SYN3: variants seen among roughly 807,000 people sequenced by gnomAD.
SYN3 encodes the protein synapsin III, also known as synapsin-3.
In SYN3, 35 loss-of-function variants were observed where a neutral mutation model predicts 65.8. The ratio of observed to expected loss-of-function variants is 0.53; its 90% CI spans 0.41 to 0.70. The LOEUF (loss-of-function observed/expected upper bound fraction) is 0.70. SYN3 is among the 30% of genes least tolerant of loss of function. The probability of loss-of-function intolerance (pLI) is 0.00; values close to 1 mark genes in which losing one functional copy is unlikely to be tolerated. For missense variants in SYN3, 680 were observed against 749.0 expected (o/e 0.91, Z 1.08); for synonymous variants, 270 against 292.9 (o/e 0.92, Z 0.80).
chr22:32,964,268 C>T (rs1197200952), intron 3 of SYN3, among the ~76,000 whole-genome samples: 4 of 112,134 alleles, frequency 3.6e-5, no homozygotes, highest in Admixed American at 1.3e-4. Context: ...CATCACACAC[C>T]GGGGCCTGTT....
chr22:32,539,505 T>C (rs1392839029), intron 8 of SYN3, among the ~76,000 whole-genome samples: 1 of 63,438 alleles, frequency 1.6e-5, no homozygotes, highest in East Asian at 2.0e-3. Flanking sequence ...GATATATGTG[T>C]ATACACGGGT....
intron 6 of SYN3, among the ~76,000 whole-genome samples, chr22:32,753,067 G>A (rs1315822370): frequency 2.6e-5 from 4 of 152,142 alleles, no homozygotes; most frequent in Non-Finnish European, 5.9e-5. Flanking sequence ...CCTCAGCAGA[G>A]GCCAAGAAGA....
chr22:32,513,808 T>C lies in SYN3; in HGVS notation c.1627A>G (p.Thr543Ala), dbSNP rs752568204. 15 of 1,613,946 alleles carry C rather than the reference T, an allele frequency of 9.3e-6. No homozygotes were observed. Among genetic ancestry groups the C allele is most frequent in the Middle Eastern group, 1.6e-4 (1 of 6,084 alleles). Residue 543 changes from threonine (T) to alanine (A), a missense_variant, in exon 14 of 14, where the codon ACT (threonine) becomes GCT (alanine). By Grantham distance (58) the Thr-to-Ala change is moderately conservative. Transcript: ENST00000358763. Reference sequence around the variant, plus strand: ...GTGTCGGATGTGCTGAGGCTGTTAGTCAGGGACTGAGATTTGCTGAAACAG... The same window carrying C: ...GTGTCGGATGTGCTGAGGCTGTTAGCCAGGGACTGAGATTTGCTGAAACAG... Reference protein sequence around the residue: ...HPHLNKSQSLTNSLSTSDTSQ... With the variant: ...HPHLNKSQSLANSLSTSDTSQ...
At chr22:32,590,777 G>A (rs1238229288) in intron 7 of SYN3, among the ~76,000 whole-genome samples, 2 of 152,182 alleles carry the variant, frequency 1.3e-5, no homozygotes, top group African/African-American at 4.8e-5. Flanking sequence ...TAATAAAGTT[G>A]AGCCTATTTT....
intron 4 of SYN3, among the ~76,000 whole-genome samples, chr22:32,923,546 ATT>A (rs1189140218): frequency 6.6e-6 from 1 of 152,208 alleles, no homozygotes; most frequent in Non-Finnish European, 1.5e-5. Context: ...CTTACAGGCA[ATT>A]TCAATACAAC....
chr22:32,735,061 G>C (rs892193274), intron 6 of SYN3, among the ~76,000 whole-genome samples: 4 of 152,164 alleles, frequency 2.6e-5, no homozygotes, highest in African/African-American at 9.7e-5. Context: ...AGTGAGAGGT[G>C]GTTACACTCC....
chr22:32,605,349 T>C (rs1459504732), intron 6 of SYN3, among the ~76,000 whole-genome samples: 1 of 152,052 alleles, frequency 6.6e-6, no homozygotes, highest in African/African-American at 2.4e-5. Flanking sequence ...GAGTTTGAAC[T>C]GTGTTTCATG....
chr22:32,799,153 G>T (rs148203613), intron 6 of SYN3, among the ~76,000 whole-genome samples: 4 of 152,180 alleles, frequency 2.6e-5, no homozygotes, highest in Admixed American at 1.3e-4. Flanking sequence ...ACTCCCCTAC[G>T]CAAGGATTCA....
intron 4 of SYN3, among the ~76,000 whole-genome samples, chr22:32,907,039 G>A (rs1391760944): frequency 1.3e-5 from 2 of 152,026 alleles, no homozygotes; most frequent in African/African-American, 4.8e-5. Flanking sequence ...GGGATTGCTG[G>A]GTCAAATGGT....
intron 6 of SYN3, among the ~76,000 whole-genome samples, chr22:32,856,129 G>C (rs536267715): frequency 2.3e-4 from 35 of 152,350 alleles, no homozygotes; most frequent in East Asian, 1.9e-4. Flanking sequence ...ATGTGAGTGA[G>C]AATGTTTTTG....
intron 7 of SYN3, among the ~76,000 whole-genome samples, chr22:32,573,368 C>T (rs546076000): frequency 3.3e-4 from 50 of 152,262 alleles, no homozygotes; most frequent in African/African-American, 1.1e-3. Context: ...GCCTCTCCTT[C>T]CATCTTGGTT....
intron 1 of SYN3, among the ~76,000 whole-genome samples, chr22:33,043,168 T>A (rs1478525788): frequency 1.3e-5 from 2 of 152,214 alleles, no homozygotes; most frequent in African/African-American, 4.8e-5. Context: ...AAGTACCTTA[T>A]GTATGTTGTT....
rs539123320 is a variant in SYN3, at chr22:33,032,910, A to G, written c.-163+25382T>C. 2.0e-5 allele frequency among the ~76,000 whole-genome samples: 3 copies of G among 150,104 alleles called. No individual in the cohort carries two copies. The South Asian group carries it at 6.2e-4, about 31-fold the overall frequency. ...GATTTTACTTATATTTCCTGTTTCCATGAAATGTATGAAACCAAACTGTAA... is the reference window on the plus strand; with the variant it reads ...GATTTTACTTATATTTCCTGTTTCCGTGAAATGTATGAAACCAAACTGTAA... On this transcript the variant is annotated intron_variant, in intron 1 of 13. Transcript: ENST00000358763.
At chr22:32,657,814 C>A (rs1300628120) in intron 6 of SYN3, among the ~76,000 whole-genome samples, 2 of 152,192 alleles carry the variant, frequency 1.3e-5, no homozygotes, top group South Asian at 2.1e-4. Context: ...ACCTACAGCC[C>A]CCCAGTGGAG....
intron 1 of SYN3, among the ~76,000 whole-genome samples, chr22:33,021,784 ATTTTTT>A (rs57313381): frequency 1.4e-5 from 2 of 141,676 alleles, no homozygotes; most frequent in Non-Finnish European, 3.1e-5. Context: ...ACTGTAACTT[ATTTTTT>A]TTTTTTTTTT....
At chr22:32,607,331 A>G (rs2059386533) in intron 6 of SYN3, among the ~76,000 whole-genome samples, 1 of 152,124 alleles carries the variant, frequency 6.6e-6, no homozygotes, top group Admixed American at 6.5e-5. Context: ...CTGCAACTCA[A>G]CATTTCCAAA....
intron 7 of SYN3, among the ~76,000 whole-genome samples, chr22:32,590,853 A>C (rs749097597): frequency 6.6e-6 from 1 of 152,240 alleles, no homozygotes; most frequent in Non-Finnish European, 1.5e-5. Flanking sequence ...GAGTCATACT[A>C]AACTTGTAGC....
At chr22:32,622,725 CAAAAAA>C (rs777908921) in intron 6 of SYN3, among the ~76,000 whole-genome samples, 1 of 78,206 alleles carries the variant, frequency 1.3e-5, no homozygotes, top group African/African-American at 4.9e-5. Flanking sequence ...AAATCGGATG[CAAAAAA>C]AAAAAAAAAA....
intron 6 of SYN3, among the ~76,000 whole-genome samples, chr22:32,735,351 T>C (rs1363832237): frequency 6.6e-6 from 1 of 152,156 alleles, no homozygotes; most frequent in Non-Finnish European, 1.5e-5. Context: ...GTAAAGTGCT[T>C]AGGGAAGTAC....
Sources: gnomAD v4.1 joint callset for allele counts (sites outside exome capture counted in the v4.1 genomes callset) on GRCh38, gnomAD v4.1.1 for gene constraint, MANE v1.5 for transcripts, NCBI Gene and HGNC (gene_info 2026-07-23, HGNC 2026-07-21) for gene names.